ANKRD18A: variants seen among roughly 807,000 people sequenced by gnomAD.
The protein encoded by ANKRD18A is ankyrin repeat domain 18A.
Under a neutral mutation model 110.6 loss-of-function variants are expected in ANKRD18A, and 72 were observed. The observed-to-expected ratio is 0.65, with a 90% confidence interval of 0.54 to 0.79. The LOEUF (loss-of-function observed/expected upper bound fraction) is 0.79. Ranked by LOEUF, ANKRD18A falls within the 30% of genes least tolerant of loss-of-function variation. ANKRD18A has a pLI of 0.00. For missense variants in ANKRD18A, 934 were observed against 1,163.3 expected, an observed-to-expected ratio of 0.80 and a Z score of 2.87; for synonymous variants, 305 against 410.3, an observed-to-expected ratio of 0.74 and a Z score of 3.10.
chr9:38,572,023 G>T lies in ANKRD18A; in HGVS notation c.*22C>A. 3 of 1,589,240 alleles carry T rather than the reference G, an allele frequency of 1.9e-6. No homozygotes were observed. Among genetic ancestry groups the T allele is most frequent in the Non-Finnish European group, 2.6e-6 (3 of 1,172,606 alleles). On this transcript the variant is annotated 3_prime_UTR_variant, in exon 16 of 16. Coordinates refer to ENST00000399703, the MANE Select transcript of ANKRD18A (RefSeq NM_147195.4). ...TGGCTTACCAGTGGATTCTACAAAA[G>T]AAAGTAGACGGGAGCAAGTGCTCAA... is the stretch of plus-strand genomic sequence containing the variant.
chr9:38,570,800 C>T (rs904258672), downstream of ANKRD18A, among the ~76,000 whole-genome samples: 5 of 152,244 alleles, frequency 3.3e-5, no homozygotes, highest in African/African-American at 1.2e-4. Flanking sequence ...GAGTCAGCCT[C>T]AGGCTCCAGG....
intron 6 of ANKRD18A, among the ~76,000 whole-genome samples, chr9:38,603,513 T>C (rs868632907): frequency 7.2e-5 from 11 of 152,214 alleles, no homozygotes; most frequent in Non-Finnish European, 1.3e-4. Flanking sequence ...TTTTTCTCAA[T>C]GCAGTTTTAT....
rs1366214469 is a variant in ANKRD18A at position 38,571,581 on chromosome 9, A to G, written c.*464T>C. On this transcript the variant is annotated 3_prime_UTR_variant, in exon 16 of 16. Coordinates refer to ENST00000399703, the MANE Select transcript of ANKRD18A (RefSeq NM_147195.4). Reference sequence around the variant, plus strand: ...GCTACAAGAAGAAAACCGTAACACTAGTATGGACAAACCTGGCAGATACTC... The same window carrying G: ...GCTACAAGAAGAAAACCGTAACACTGGTATGGACAAACCTGGCAGATACTC... The G allele has an allele frequency of 6.9e-6, 7 of 1,009,696 alleles. No homozygotes were observed. Among genetic ancestry groups the G allele is most frequent in the Non-Finnish European group, 8.3e-6 (7 of 844,980 alleles). 62.5% of individuals were successfully genotyped at this position (1,009,696 alleles called of 1,614,324 possible). A position where few individuals can be genotyped will look rare whatever the true frequency, so the allele number is the denominator to read the frequency against.
At chr9:38,603,026 G>T in intron 7 of ANKRD18A, 133 bp downstream of exon 7, 3 of 1,308,684 alleles carry the variant, frequency 2.3e-6, no homozygotes, top group Non-Finnish European at 3.1e-6. Context: ...TCATGGATGG[G>T]TGAAAACCTT....
chr9:38,595,234 T>G (rs1824819461), intron 9 of ANKRD18A, among the ~76,000 whole-genome samples: 1 of 152,174 alleles, frequency 6.6e-6, no homozygotes, highest in Admixed American at 6.5e-5. Context: ...TTAGAACATT[T>G]TCATCACTCC....
chr9:38,575,573 C>G lies in ANKRD18A; in HGVS notation c.2867G>C (p.Ser956Thr). 6.4e-7 allele frequency: 1 copy of G among 1,551,468 alleles called. No homozygotes were observed. Among genetic ancestry groups the G allele is most frequent in the Non-Finnish European group, 8.7e-7 (1 of 1,146,804 alleles). The change falls in exon 15 of 16, where the codon AGT becomes ACT. Residue 956 changes from serine (S) to threonine (T), a missense_variant. Physicochemically the swap from Ser to Thr is moderately conservative, Grantham distance 58 (BLOSUM62 1). Around this residue, in one of 4 missense-constraint regions of ANKRD18A, gnomAD observed 223 missense variants for 226.7 expected, o/e 0.98. Coordinates refer to ENST00000399703, the MANE Select transcript of ANKRD18A (RefSeq NM_147195.4). ...AATATATTTTCTGTTGAGTTCTATA[C>G]TATTAAGATTTTCAACACAAGGTAA... ...PELPCVENLN[S>T]IELNRKYIPK...
At chr9:38,596,720 G>T (rs1487195467) in intron 8 of ANKRD18A, among the ~76,000 whole-genome samples, 1 of 152,112 alleles carries the variant, frequency 6.6e-6, no homozygotes, top group Non-Finnish European at 1.5e-5. Flanking sequence ...TAAAAAATTT[G>T]ACTAAATTAA....
chr9:38,616,350 A>T (rs1469646703), intron 1 of ANKRD18A, among the ~76,000 whole-genome samples: 1 of 152,240 alleles, frequency 6.6e-6, no homozygotes, highest in African/African-American at 2.4e-5. Context: ...ATTAATAAAG[A>T]TGACCACAGC....
chr9:38,610,452 A>G (rs373940573), intron 4 of ANKRD18A, 42 bp from the exon 5 acceptor site: 1 of 1,514,262 alleles, frequency 6.6e-7, no homozygotes, highest in African/African-American at 1.4e-5. Flanking sequence ...AACTTTGATG[A>G]AGATATTTAA....
At chr9:38,579,312 A>G (rs1008947215) in intron 12 of ANKRD18A, among the ~76,000 whole-genome samples, 5 of 152,356 alleles carry the variant, frequency 3.3e-5, no homozygotes, top group African/African-American at 1.2e-4. Context: ...CATCAGAAGC[A>G]TAGGCAACAA....
intron 8 of ANKRD18A, among the ~76,000 whole-genome samples, chr9:38,597,343 G>C (rs1824929582): frequency 6.6e-6 from 1 of 152,060 alleles, no homozygotes; most frequent in African/African-American, 2.4e-5. Flanking sequence ...TGAAATAGAG[G>C]AACCAAAGTT....
At position 38,593,900 on chromosome 9, in the gene ANKRD18A, T is replaced by G. The variant is rs1824761864; in HGVS notation, c.1864A>C (p.Arg622=). The change falls in exon 10 of 16, where the codon AGA becomes CGA. Residue 622 remains arginine (R), a synonymous_variant. Transcript: ENST00000399703. The stretch of plus-strand genomic sequence containing the variant: ...TCGACCAGTTCTTCTTGAAATTCTC[T>G]CACAATCACCTGACAAAATATTTTT... ...KEKAEREVIV[R]EFQEELVDHL... The G allele has an allele frequency of 6.7e-7, 1 of 1,483,568 alleles. No homozygotes were observed. The highest frequency in any genetic ancestry group is 1.4e-5 in the African/African-American group (1 of 70,310). 91.9% of individuals were successfully genotyped at this position (1,483,568 alleles called of 1,614,324 possible).
chr9:38,590,369 TGCCTCA>T (rs1824593121), intron 10 of ANKRD18A, among the ~76,000 whole-genome samples: 1 of 152,012 alleles, frequency 6.6e-6, no homozygotes, highest in Non-Finnish European at 1.5e-5. Context: ...GTGATTCTCC[TGCCTCA>T]GCCTCCCAAG....
At chr9:38,618,220 A>G (rs1442278807) in intron 1 of ANKRD18A, among the ~76,000 whole-genome samples, 4 of 152,192 alleles carry the variant, frequency 2.6e-5, no homozygotes, top group African/African-American at 9.6e-5. Flanking sequence ...AATTTTATAA[A>G]TGCTCACTTC....
intron 7 of ANKRD18A, among the ~76,000 whole-genome samples, chr9:38,602,175 T>C (rs1380366892): frequency 6.6e-6 from 1 of 150,402 alleles, no homozygotes; most frequent in Non-Finnish European, 1.5e-5. Context: ...TCTATCCCCT[T>C]TGTTGCTAGA....
At chr9:38,605,049 CA>C (rs1330294841) in intron 6 of ANKRD18A, 1 of 157,366 alleles carries the variant, frequency 6.4e-6, no homozygotes, top group Non-Finnish European at 1.5e-5. Flanking sequence ...TTGCATTCAT[CA>C]CCACAAACGT....
chr9:38,583,646 C>A (rs2118697283), intron 12 of ANKRD18A, among the ~76,000 whole-genome samples: 1 of 152,250 alleles, frequency 6.6e-6, no homozygotes, highest in East Asian at 1.9e-4. Context: ...CCTTGGCCTC[C>A]CAAAGTGCTG....
chr9:38,607,318 A>T, intron 6 of ANKRD18A, 108 bp downstream of exon 6: 1 of 882,012 alleles, frequency 1.1e-6, no homozygotes, highest in Non-Finnish European at 1.6e-6. Context: ...CGGCCTCCCA[A>T]AGTGCTGGGA....
At position 38,616,055 on chromosome 9, in the gene ANKRD18A, G is replaced by C. The variant is rs780628918; in HGVS notation, c.207-11C>G. 10 of 1,533,016 alleles carry C rather than the reference G, an allele frequency of 6.5e-6. No individual in the cohort carries two copies. The Admixed American group carries it at 2.0e-4, about 31-fold the overall frequency. 95.0% of individuals were successfully genotyped at this position (1,533,016 alleles called of 1,614,324 possible). On this transcript the variant is annotated splice_polypyrimidine_tract_variant and intron_variant, in intron 1 of 15. Transcript: ENST00000399703. Reference sequence around the variant, plus strand: ...AAATGTAGAACAGTCCTAGGAGAGCGAGAGGGGTTTTCAGGAAATGTAGTG... The same window carrying C: ...AAATGTAGAACAGTCCTAGGAGAGCCAGAGGGGTTTTCAGGAAATGTAGTG...
Sources: gnomAD v4.1 joint callset for allele counts (sites outside exome capture counted in the v4.1 genomes callset) on GRCh38, gnomAD v4.1.1 for gene constraint, gnomAD v4.1.1 regional missense constraint, MANE v1.5 for transcripts, NCBI Gene and HGNC (gene_info 2026-07-23, HGNC 2026-07-21) for gene names.